Variants in CNTNAP2 observed in about 807,000 individuals in gnomAD.
The protein encoded by CNTNAP2 is contactin-associated protein-like 2.
CNTNAP2 carries 98 observed loss-of-function variants against 155.2 expected under a neutral mutation model. The ratio of observed to expected loss-of-function variants is 0.63; its 90% CI spans 0.54 to 0.75. CNTNAP2 has a LOEUF of 0.75. Among genes scored for constraint, CNTNAP2 ranks in the 30% least tolerant of loss-of-function variants. The pLI is 0.00. For missense variants in CNTNAP2, 1,727 were observed against 1,688.1 expected, an observed-to-expected ratio of 1.02 and a Z score of -0.40; for synonymous variants, 651 against 631.2, an observed-to-expected ratio of 1.03 and a Z score of -0.47.
At chr7:147,495,489 A>T (rs1348454044) in intron 11 of CNTNAP2, among the ~76,000 whole-genome samples, 2 of 152,232 alleles carry the variant, frequency 1.3e-5, no homozygotes, top group Admixed American at 1.3e-4. Flanking sequence ...TAATAAAACA[A>T]GAATAATAGT....
At chr7:147,626,305 G>T (rs1331895076) in intron 12 of CNTNAP2, among the ~76,000 whole-genome samples, 1 of 152,118 alleles carries the variant, frequency 6.6e-6, no homozygotes, top group South Asian at 2.1e-4. Flanking sequence ...TCTTATTGGG[G>T]CACTGTGGGA....
chr7:146,251,797 A>G (rs1371564384), intron 1 of CNTNAP2, among the ~76,000 whole-genome samples: 2 of 152,176 alleles, frequency 1.3e-5, no homozygotes, highest in African/African-American at 2.4e-5. Flanking sequence ...ACATTTTCAC[A>G]TAGGTTTTAA....
intron 8 of CNTNAP2, among the ~76,000 whole-genome samples, chr7:147,253,744 C>T (rs1277036874): frequency 6.6e-6 from 1 of 152,192 alleles, no homozygotes; most frequent in Admixed American, 6.5e-5. Flanking sequence ...GCATGATGCT[C>T]ATCATTCCAC....
chr7:147,187,861 A>T (rs1802599137), intron 8 of CNTNAP2, among the ~76,000 whole-genome samples: 1 of 152,210 alleles, frequency 6.6e-6, no homozygotes, highest in African/African-American at 2.4e-5. Context: ...GGAGTTCGAG[A>T]TCAGCCTGGG....
chr7:147,375,414 G>A (rs1001024668), intron 9 of CNTNAP2, among the ~76,000 whole-genome samples: 2 of 151,734 alleles, frequency 1.3e-5, no homozygotes, highest in Admixed American at 6.6e-5. Context: ...TTTTCACCCC[G>A]ACACAATTTC....
chr7:146,436,926 A>G (rs1304093691), intron 1 of CNTNAP2, among the ~76,000 whole-genome samples: 1 of 151,518 alleles, frequency 6.6e-6, no homozygotes, highest in Non-Finnish European at 1.5e-5. Context: ...ACATTGTAGA[A>G]ATATTAGAAA....
intron 20 of CNTNAP2, among the ~76,000 whole-genome samples, chr7:148,236,787 A>G (rs1452014027): frequency 6.6e-6 from 1 of 152,248 alleles, no homozygotes; most frequent in African/African-American, 2.4e-5. Flanking sequence ...TAGATGGCAG[A>G]CAGCAAAGGG....
chr7:147,905,690 C>G (rs534209655), intron 14 of CNTNAP2, among the ~76,000 whole-genome samples: 2 of 152,352 alleles, frequency 1.3e-5, no homozygotes, highest in South Asian at 2.1e-4. Flanking sequence ...CGAGACCAGC[C>G]TGCCCAACAA....
chr7:148,234,553 C>T (rs1211972979), intron 20 of CNTNAP2, among the ~76,000 whole-genome samples: 1 of 152,154 alleles, frequency 6.6e-6, no homozygotes, highest in Non-Finnish European at 1.5e-5. Context: ...AGAGTCAATG[C>T]CCTCAGCAGC....
Position 146,151,637 on chromosome 7 carries a change from T to G in CNTNAP2, c.97+34664T>G, listed in dbSNP as rs868593671. Among the ~76,000 whole-genome samples, 128 of 15,240 alleles carry G rather than the reference T, an allele frequency of 8.4e-3. 2 individuals carry two copies. Among genetic ancestry groups the G allele is most frequent in the African/African-American group, 0.029 (122 of 4,208 alleles). The allele number at this position is 15,240 out of a possible 152,430, so 10.0% of individuals were successfully genotyped here. ...TGATGAATGGACAAAGAAAACGTGA[T>G]ATATATATATATATATATATATATA... On this transcript the variant is annotated intron_variant, in intron 1 of 23. Coordinates refer to ENST00000361727, the MANE Select transcript of CNTNAP2 (RefSeq NM_014141.6).
At chr7:147,486,889 C>CCGTGTGTG (rs71527815) in intron 11 of CNTNAP2, among the ~76,000 whole-genome samples, 1 of 146,842 alleles carries the variant, frequency 6.8e-6, no homozygotes. Flanking sequence ...ACGTATGTGC[C>CCGTGTGTG]TGTGTGTGTG....
intron 13 of CNTNAP2, among the ~76,000 whole-genome samples, chr7:147,772,610 T>A (rs1311262296): frequency 6.6e-6 from 1 of 151,454 alleles, no homozygotes; most frequent in Admixed American, 6.6e-5. Context: ...TTATCATACC[T>A]GATTCAGTAA....
At chr7:146,279,594 T>C (rs1800217820) in intron 1 of CNTNAP2, among the ~76,000 whole-genome samples, 1 of 152,024 alleles carries the variant, frequency 6.6e-6, no homozygotes, top group South Asian at 2.1e-4. Context: ...TAAAAATTAA[T>C]ATTCAAGTTA....
intron 1 of CNTNAP2, among the ~76,000 whole-genome samples, chr7:146,218,507 TCAAAAACAAAAA>T (rs551242093): frequency 6.9e-6 from 1 of 145,686 alleles, no homozygotes; most frequent in South Asian, 2.3e-4. Flanking sequence ...AGACTCTGTC[TCAAAAACAAAAA>T]CAAAAACAAA....
intron 15 of CNTNAP2, among the ~76,000 whole-genome samples, chr7:148,024,362 A>G (rs1802340945): frequency 6.6e-6 from 1 of 152,122 alleles, no homozygotes. Flanking sequence ...TCCTAGCCAC[A>G]GTGAAAGAAA....
intron 1 of CNTNAP2, among the ~76,000 whole-genome samples, chr7:146,661,394 T>C (rs1230749326): frequency 6.6e-6 from 1 of 152,120 alleles, no homozygotes; most frequent in Non-Finnish European, 1.5e-5. Flanking sequence ...ATGTAACCAC[T>C]GCCCCCAAAA....
At chr7:146,438,923 T>G (rs1796281087) in intron 1 of CNTNAP2, among the ~76,000 whole-genome samples, 1 of 151,592 alleles carries the variant, frequency 6.6e-6, no homozygotes, top group Non-Finnish European at 1.5e-5. Flanking sequence ...TAGATTTTAA[T>G]GCCTCTAAAA....
intron 13 of CNTNAP2, among the ~76,000 whole-genome samples, chr7:147,710,585 A>C (rs1002440962): frequency 2.6e-5 from 4 of 151,894 alleles, no homozygotes; most frequent in African/African-American, 7.3e-5. Context: ...TTTCCATTGG[A>C]TCTCTTTTAT....
chr7:147,456,982 T>A (rs1797927546), intron 10 of CNTNAP2, among the ~76,000 whole-genome samples: 1 of 152,046 alleles, frequency 6.6e-6, no homozygotes, highest in Non-Finnish European at 1.5e-5. Flanking sequence ...CCACTAAGAG[T>A]TTCTACTAGT....
Sources: allele counts gnomAD v4.1 joint callset (sites outside exome capture counted in the v4.1 genomes callset), GRCh38; gene constraint gnomAD v4.1.1; transcripts MANE v1.5; gene names NCBI Gene and HGNC (gene_info 2026-07-23, HGNC 2026-07-21).